Variants in SCAI observed in about 807,000 individuals in gnomAD.
SCAI encodes the protein protein SCAI.
SCAI carries 24 observed loss-of-function variants against 92.2 expected under a neutral mutation model. The ratio of observed to expected loss-of-function variants is 0.26; its 90% CI spans 0.19 to 0.37. The LOEUF is 0.37. Among genes scored for constraint, SCAI ranks in the 10% least tolerant of loss-of-function variants. The pLI is 1.00. For missense variants in SCAI, 450 were observed against 736.2 expected, an observed-to-expected ratio of 0.61 and a Z score of 4.50; for synonymous variants, 261 against 258.6, an observed-to-expected ratio of 1.01 and a Z score of -0.09.
At chr9:125,083,103 G>A (rs2131183159) in intron 2 of SCAI, among the ~76,000 whole-genome samples, 1 of 152,296 alleles carries the variant, frequency 6.6e-6, no homozygotes, top group South Asian at 2.1e-4. Context: ...CTGAATGAAT[G>A]GGGGCAAGTC....
chr9:125,043,036 C>T (rs182709937), intron 3 of SCAI, among the ~76,000 whole-genome samples: 4 of 151,630 alleles, frequency 2.6e-5, no homozygotes, highest in Non-Finnish European at 4.4e-5. Context: ...TGGCTAATTG[C>T]TTTGTATTTT....
chr9:125,106,105 A>C (rs1419623687), intron 2 of SCAI, among the ~76,000 whole-genome samples: 2 of 43,134 alleles, frequency 4.6e-5, no homozygotes, highest in Non-Finnish European at 9.8e-5. Context: ...TCAAAAAAAA[A>C]AAAAAAAAAA....
chr9:125,142,183 G>A (rs1475266578), intron 2 of SCAI: 1 of 154,054 alleles, frequency 6.5e-6, no homozygotes. Flanking sequence ...TCAATTTTTT[G>A]TAGAGACGGA....
At chr9:125,076,067 T>C (rs747439819) in intron 2 of SCAI, among the ~76,000 whole-genome samples, 35 of 152,288 alleles carry the variant, frequency 2.3e-4, no homozygotes, top group Admixed American at 1.3e-3. Flanking sequence ...TCTGTGTATG[T>C]AGTATAAATA....
intron 17 of SCAI, among the ~76,000 whole-genome samples, chr9:124,965,527 G>A (rs983826134): frequency 1.3e-5 from 2 of 152,178 alleles, no homozygotes; most frequent in Non-Finnish European, 2.9e-5. Flanking sequence ...GAGCTACTGT[G>A]CCCGGCCTGT....
At chr9:125,127,444 G>A (rs1441524810) in intron 2 of SCAI, among the ~76,000 whole-genome samples, 1 of 140,314 alleles carries the variant, frequency 7.1e-6, no homozygotes, top group African/African-American at 2.6e-5. Flanking sequence ...TCATTATGTT[G>A]CCCAGGCTAG....
intron 2 of SCAI, among the ~76,000 whole-genome samples, chr9:125,132,315 C>T (rs569356623): frequency 3.9e-5 from 6 of 151,968 alleles, no homozygotes; most frequent in South Asian, 2.1e-4. Context: ...GGTTTCATCA[C>T]GTTAGCCAGG....
At chr9:124,962,523 A>G (rs1831461368) in intron 17 of SCAI, among the ~76,000 whole-genome samples, 1 of 152,142 alleles carries the variant, frequency 6.6e-6, no homozygotes, top group Admixed American at 6.6e-5. Flanking sequence ...TATGAGATAA[A>G]AAGGTATTTC....
intron 4 of SCAI, among the ~76,000 whole-genome samples, chr9:125,028,826 G>A (rs1025292070): frequency 1.3e-5 from 2 of 151,990 alleles, no homozygotes; most frequent in Non-Finnish European, 2.9e-5. Flanking sequence ...GAGACAGAGT[G>A]TGGCTCTGTT....
intron 2 of SCAI, among the ~76,000 whole-genome samples, chr9:125,109,122 T>C (rs879370137): frequency 5.8e-4 from 88 of 152,208 alleles, no homozygotes; most frequent in Non-Finnish European, 1.1e-3. Context: ...TTAAGGGCAG[T>C]GCAAGATGTG....
chr9:125,108,245 A>G (rs1177972727), intron 2 of SCAI, among the ~76,000 whole-genome samples: 9 of 151,880 alleles, frequency 5.9e-5, no homozygotes, highest in Non-Finnish European at 1.3e-4. Flanking sequence ...GCCTCTGCCC[A>G]GCCGCCACCC....
intron 2 of SCAI, among the ~76,000 whole-genome samples, chr9:125,071,124 G>C (rs1202354523): frequency 6.6e-6 from 1 of 152,140 alleles, no homozygotes; most frequent in Non-Finnish European, 1.5e-5. Flanking sequence ...GCTACATGGA[G>C]GTGTGAGTCC....
At chr9:124,958,773 G>C (rs983813124) in intron 17 of SCAI, among the ~76,000 whole-genome samples, 1 of 151,982 alleles carries the variant, frequency 6.6e-6, no homozygotes, top group Non-Finnish European at 1.5e-5. Flanking sequence ...TGGGTGTGGT[G>C]GTGGGCACCT....
chr9:125,088,461 T>C (rs951412899), intron 2 of SCAI, among the ~76,000 whole-genome samples: 1 of 152,186 alleles, frequency 6.6e-6, no homozygotes, highest in African/African-American at 2.4e-5. Context: ...TCTCCAGCCA[T>C]GTAAGATGTT....
chr9:125,006,802 A>G (rs1191681025), intron 9 of SCAI, among the ~76,000 whole-genome samples: 1 of 152,120 alleles, frequency 6.6e-6, no homozygotes, highest in Non-Finnish European at 1.5e-5. Flanking sequence ...TACTTTTAAA[A>G]ATAAAAAATA....
At chr9:125,003,592 A>G in intron 9 of SCAI, 22 bp from the exon 10 acceptor site, 2 of 1,474,518 alleles carry the variant, frequency 1.4e-6, no homozygotes, top group Non-Finnish European at 1.9e-6. Context: ...AAAAAAACAA[A>G]CACAACCTAG....
chr9:125,140,690 C>CAA (rs35807255), intron 2 of SCAI, among the ~76,000 whole-genome samples: 26,730 of 76,308 alleles, frequency 0.35, 4,380 homozygotes, highest in East Asian at 0.59. Flanking sequence ...CTTGTCTCTA[C>CAA]AAAAAAAAAA....
At chr9:125,012,079 G>A (rs942871462) in intron 9 of SCAI, among the ~76,000 whole-genome samples, 1 of 152,166 alleles carries the variant, frequency 6.6e-6, no homozygotes, top group African/African-American at 2.4e-5. Context: ...GCAAAATCAT[G>A]CCAAATTGCA....
chr9:124,964,488 G>A (rs1312083819), intron 17 of SCAI, among the ~76,000 whole-genome samples: 4 of 152,094 alleles, frequency 2.6e-5, no homozygotes, highest in South Asian at 4.2e-4. Flanking sequence ...CTGTAATAAT[G>A]ATGGCATTTC....
Sources: gnomAD v4.1 joint callset for allele counts (sites outside exome capture counted in the v4.1 genomes callset) on GRCh38, gnomAD v4.1.1 for gene constraint, MANE v1.5 for transcripts, NCBI Gene and HGNC (gene_info 2026-07-23, HGNC 2026-07-21) for gene names.